STX8: variants seen among roughly 807,000 people sequenced by gnomAD.
STX8 encodes the protein syntaxin-8.
Under a neutral mutation model 37.5 loss-of-function variants are expected in STX8, and 23 were observed. That is an observed-to-expected ratio of 0.61 (90% CI 0.44 to 0.87). The LOEUF is 0.87. STX8 is among the 40% of genes least tolerant of loss of function. The pLI is 0.00. For missense variants in STX8, 313 were observed against 284.7 expected, an observed-to-expected ratio of 1.10 and a Z score of -0.71; for synonymous variants, 115 against 99.1, an observed-to-expected ratio of 1.16 and a Z score of -0.95.
chr17:9,253,207 GGTGTGTGTGTGTGTGTGTGTGTGTGT>G, intron 7 of STX8, among the ~76,000 whole-genome samples: 1 of 140,940 alleles, frequency 7.1e-6, no homozygotes, highest in Admixed American at 7.1e-5. Context: ...CAGGGGTAGG[GGTGTGTGTGTGTGTGTGTGTGTGTGT>G]GTGTGTGTGT....
At chr17:9,371,866 C>A (rs1440710861) in intron 7 of STX8, among the ~76,000 whole-genome samples, 2 of 152,120 alleles carry the variant, frequency 1.3e-5, no homozygotes, top group Non-Finnish European at 2.9e-5. Flanking sequence ...AGTTTATAAT[C>A]AACGTCTGAT....
intron 6 of STX8, among the ~76,000 whole-genome samples, chr17:9,421,180 G>A (rs1354475955): frequency 6.6e-6 from 1 of 151,918 alleles, no homozygotes; most frequent in Non-Finnish European, 1.5e-5. Flanking sequence ...ATCACCTGAG[G>A]TCGGGTGTTT....
intron 7 of STX8, among the ~76,000 whole-genome samples, chr17:9,331,354 C>G (rs1298468724): frequency 6.7e-6 from 1 of 149,804 alleles, no homozygotes; most frequent in African/African-American, 2.4e-5. Context: ...GAAACCCTCT[C>G]TCAGACAGAC....
At chr17:9,397,901 T>C (rs945937262) in intron 6 of STX8, among the ~76,000 whole-genome samples, 11 of 148,960 alleles carry the variant, frequency 7.4e-5, no homozygotes, top group African/African-American at 2.5e-4. Flanking sequence ...GGCAGGAGAA[T>C]CGCTTGAACC....
At chr17:9,349,919 T>C (rs1910653760) in intron 7 of STX8, among the ~76,000 whole-genome samples, 1 of 152,074 alleles carries the variant, frequency 6.6e-6, no homozygotes, top group Non-Finnish European at 1.5e-5. Context: ...TTTTCTTTTG[T>C]AGAGATGGGG....
intron 7 of STX8, among the ~76,000 whole-genome samples, chr17:9,342,173 G>A (rs531838923): frequency 1.3e-5 from 2 of 152,246 alleles, no homozygotes; most frequent in African/African-American, 4.8e-5. Flanking sequence ...TAGGGTTTGC[G>A]CTCCTATATC....
At chr17:9,421,799 C>T (rs983617398) in intron 6 of STX8, among the ~76,000 whole-genome samples, 5 of 152,060 alleles carry the variant, frequency 3.3e-5, no homozygotes, top group African/African-American at 7.2e-5. Flanking sequence ...AATCTCATGT[C>T]GAATTGTAAT....
chr17:9,255,988 G>A (rs529018164), intron 7 of STX8, among the ~76,000 whole-genome samples: 6 of 152,352 alleles, frequency 3.9e-5, no homozygotes, highest in African/African-American at 1.2e-4. Context: ...GTTTCGGAAT[G>A]AGTAAGCAGG....
intron 7 of STX8, among the ~76,000 whole-genome samples, chr17:9,339,092 T>C (rs1215445676): frequency 1.6e-5 from 2 of 128,176 alleles, no homozygotes; most frequent in Non-Finnish European, 3.3e-5. Context: ...AAAAAAAAAA[T>C]TCCAGGTGAA....
chr17:9,558,610 T>C (rs1907078759), intron 2 of STX8, among the ~76,000 whole-genome samples: 1 of 151,512 alleles, frequency 6.6e-6, no homozygotes, highest in Admixed American at 6.6e-5. Flanking sequence ...CCGAGGAGGG[T>C]GGATCACAAG....
intron 1 of STX8, among the ~76,000 whole-genome samples, chr17:9,571,041 G>A (rs2151919777): frequency 6.6e-6 from 1 of 152,298 alleles, no homozygotes; most frequent in Non-Finnish European, 1.5e-5. Context: ...GAGATGAGTA[G>A]AAGCTAGTTT....
chr17:9,391,966 G>T (rs1912238540), intron 6 of STX8, among the ~76,000 whole-genome samples: 1 of 152,172 alleles, frequency 6.6e-6, no homozygotes, highest in Non-Finnish European at 1.5e-5. Flanking sequence ...TAGACATTGA[G>T]AGCTGAACTA....
chr17:9,338,048 A>AATTTTTT (rs1388436382), intron 7 of STX8, among the ~76,000 whole-genome samples: 1 of 107,888 alleles, frequency 9.3e-6, no homozygotes, highest in African/African-American at 3.6e-5. Flanking sequence ...CCTCTGAAGG[A>AATTTTTT]TTTTTTTTTT....
intron 6 of STX8, among the ~76,000 whole-genome samples, chr17:9,479,363 A>G (rs985951164): frequency 2.9e-4 from 44 of 152,002 alleles, no homozygotes; most frequent in African/African-American, 1.0e-3. Context: ...GCGAAAACCC[A>G]TCTCTACTAA....
intron 7 of STX8, among the ~76,000 whole-genome samples, chr17:9,267,455 T>G (rs1334831551): frequency 6.6e-6 from 1 of 152,208 alleles, no homozygotes. Context: ...TGGCCTTCAG[T>G]GCTCAATGCT....
chr17:9,302,241 T>A (rs532684225), intron 7 of STX8, among the ~76,000 whole-genome samples: 11 of 152,342 alleles, frequency 7.2e-5, no homozygotes, highest in Admixed American at 5.2e-4. Flanking sequence ...TAACTCAGCA[T>A]CTGTGTTTAT....
chr17:9,497,370 A>G (rs1259329323), intron 5 of STX8, among the ~76,000 whole-genome samples: 1 of 152,248 alleles, frequency 6.6e-6, no homozygotes, highest in Middle Eastern at 3.2e-3. Context: ...GCATGTGACT[A>G]TAGTTTTCCA....
intron 3 of STX8, chr17:9,557,192 G>C: frequency 4.9e-6 from 2 of 410,972 alleles, no homozygotes; most frequent in Non-Finnish European, 9.2e-6. Flanking sequence ...TTAGCTTCCT[G>C]AACTGTACAG....
intron 6 of STX8, among the ~76,000 whole-genome samples, chr17:9,455,449 G>C (rs1290370540): frequency 6.8e-6 from 1 of 146,556 alleles, no homozygotes; most frequent in African/African-American, 2.5e-5. Context: ...GCAGTGAGCC[G>C]AGATCACGCC....
Sources: allele counts gnomAD v4.1 joint callset (sites outside exome capture counted in the v4.1 genomes callset), GRCh38; gene constraint gnomAD v4.1.1; transcripts MANE v1.5; gene names NCBI Gene and HGNC (gene_info 2026-07-23, HGNC 2026-07-21).